Variants in DOCK2 observed in about 807,000 individuals in gnomAD.
DOCK2 encodes the protein dedicator of cytokinesis 2.
A neutral mutation model predicts 248.9 loss-of-function variants in DOCK2; 87 were observed. That is an observed-to-expected ratio of 0.35 (90% CI 0.29 to 0.42). The LOEUF is 0.42. DOCK2 is among the 10% of genes least tolerant of loss of function. The pLI is 1.00. For missense variants in DOCK2, 1,747 were observed against 2,300.2 expected (o/e 0.76, Z 4.92); for synonymous variants, 805 against 821.6 (o/e 0.98, Z 0.35).
At chr5:169,707,231 T>G (rs1176941745) in intron 14 of DOCK2, among the ~76,000 whole-genome samples, 1 of 152,192 alleles carries the variant, frequency 6.6e-6, no homozygotes, top group Non-Finnish European at 1.5e-5. Flanking sequence ...GGTCATTCCT[T>G]GTGAGTCAGC....
At chr5:170,069,026 T>G in intron 45 of DOCK2, 111 bp from the exon 46 acceptor site, 1 of 889,172 alleles carries the variant, frequency 1.1e-6, no homozygotes, top group South Asian at 1.5e-5. Flanking sequence ...TCCACATGCC[T>G]GTGACCTCAT....
At position 169,983,255 on chromosome 5, in the gene DOCK2, T is replaced by A. The variant is rs968455983; in HGVS notation, c.2898+89T>A. On this transcript the variant is annotated intron_variant, in intron 28 of 51. Transcript: ENST00000520908. ...CCTGTCAGAGAGACCTGCCTGTCTA[T>A]CACATAATCTAGATATGACTTAACC... 2.2e-6 allele frequency: 3 copies of A among 1,349,058 alleles called. No individual in the cohort carries two copies. The South Asian group carries it at 3.6e-5, about 16-fold the overall frequency. 83.6% of individuals were successfully genotyped at this position (1,349,058 alleles called of 1,614,324 possible). A position where few individuals can be genotyped will look rare whatever the true frequency, so the allele number is the denominator to read the frequency against.
intron 1 of DOCK2, among the ~76,000 whole-genome samples, chr5:169,648,287 C>A (rs975259301): frequency 3.3e-5 from 5 of 152,106 alleles, no homozygotes; most frequent in Non-Finnish European, 7.4e-5. Context: ...ACACCCCCGA[C>A]TCCCCTCCCC....
chr5:169,695,950 A>G lies in DOCK2; in HGVS notation c.979+12A>G. 6.4e-7 allele frequency: 1 copy of G among 1,573,052 alleles called. No homozygotes were observed. ...CTTTGGGGTGGCAGGTAAGGGGCACACTCTGCATCATTGATTTTTATGGGA... is the reference window on the plus strand; with the variant it reads ...CTTTGGGGTGGCAGGTAAGGGGCACGCTCTGCATCATTGATTTTTATGGGA... On this transcript the variant is annotated intron_variant, in intron 10 of 51. Coordinates refer to ENST00000520908, the MANE Select transcript of DOCK2 (RefSeq NM_004946.3).
intron 27 of DOCK2, among the ~76,000 whole-genome samples, chr5:169,857,333 A>G (rs367826688): frequency 7.9e-5 from 12 of 152,370 alleles, no homozygotes; most frequent in African/African-American, 2.6e-4. Context: ...ATTCTGAAAC[A>G]ATGTGAAACT....
chr5:169,700,587 C>T (rs902314819), intron 13 of DOCK2, among the ~76,000 whole-genome samples: 3 of 151,584 alleles, frequency 2.0e-5, no homozygotes, highest in African/African-American at 4.9e-5. Context: ...TTCAAATGGC[C>T]TGAAAAGGTA....
chr5:169,820,408 C>T lies in DOCK2; in HGVS notation c.2703+17202C>T, dbSNP rs187898161. Reference sequence around the variant, plus strand: ...CTGACACCTCACACAGCTGGGTACCCCTCTGAGACAAAACTTCCAGAGGAA... The same window carrying T: ...CTGACACCTCACACAGCTGGGTACCTCTCTGAGACAAAACTTCCAGAGGAA... On this transcript the variant is annotated intron_variant, in intron 26 of 51. Transcript: ENST00000520908. Among the ~76,000 whole-genome samples, 419 of 152,308 alleles carry T rather than the reference C, an allele frequency of 2.8e-3. 15 individuals carry two copies. The East Asian group carries it at 0.064, about 23-fold the overall frequency.
At chr5:170,009,739 T>G (rs1038344494) in intron 32 of DOCK2, among the ~76,000 whole-genome samples, 1 of 152,170 alleles carries the variant, frequency 6.6e-6, no homozygotes, top group Non-Finnish European at 1.5e-5. Context: ...CATGGGTTTT[T>G]TAGGCAGCAG....
intron 22 of DOCK2, among the ~76,000 whole-genome samples, chr5:169,746,748 C>T (rs1373048437): frequency 6.6e-6 from 1 of 152,136 alleles, no homozygotes; most frequent in Non-Finnish European, 1.5e-5. Flanking sequence ...CATTGAAAGT[C>T]CCTAGAAGGA....
chr5:169,656,426 T>C (rs1758121727), intron 2 of DOCK2, among the ~76,000 whole-genome samples: 2 of 151,922 alleles, frequency 1.3e-5, no homozygotes. Flanking sequence ...CAGATTCAAC[T>C]GATTCTTGCG....
intron 27 of DOCK2, among the ~76,000 whole-genome samples, chr5:169,853,996 G>T (rs1423464380): frequency 6.7e-6 from 1 of 148,938 alleles, no homozygotes; most frequent in African/African-American, 2.5e-5. Context: ...CCACCATGCT[G>T]GGCTAATTTT....
intron 27 of DOCK2, among the ~76,000 whole-genome samples, chr5:169,962,072 G>A (rs1362588502): frequency 6.6e-6 from 1 of 151,822 alleles, no homozygotes; most frequent in Non-Finnish European, 1.5e-5. Context: ...GTGTGTCTGA[G>A]CAGAGTGGTG....
chr5:169,718,564 CT>C, intron 21 of DOCK2, 92 bp from the exon 22 acceptor site: 1 of 1,452,818 alleles, frequency 6.9e-7, no homozygotes, highest in Non-Finnish European at 9.3e-7. Context: ...CTACTACCAC[CT>C]TTAACCTTTG....
At chr5:169,687,007 T>C (rs1176838970) in intron 8 of DOCK2, among the ~76,000 whole-genome samples, 1 of 152,138 alleles carries the variant, frequency 6.6e-6, no homozygotes, top group African/African-American at 2.4e-5. Context: ...ACCACCTAGA[T>C]CTTCCTGGGT....
chr5:169,711,901 C>G (rs1761607179), intron 15 of DOCK2, 34 bp from the exon 16 acceptor site: 3 of 1,612,574 alleles, frequency 1.9e-6, no homozygotes, highest in Middle Eastern at 1.9e-4. Flanking sequence ...CCCTTTAACT[C>G]ATTGTGTTCT....
At chr5:170,078,873 C>T (rs1581580194) in intron 48 of DOCK2, 102 bp from the exon 49 acceptor site, 4 of 1,371,490 alleles carry the variant, frequency 2.9e-6, no homozygotes, top group Admixed American at 3.7e-5. Context: ...GTAGTGACAG[C>T]TCAGGCAGCC....
At chr5:170,062,791 G>T (rs894041470) in intron 44 of DOCK2, among the ~76,000 whole-genome samples, 3 of 152,124 alleles carry the variant, frequency 2.0e-5, no homozygotes, top group Non-Finnish European at 4.4e-5. Context: ...GTAGTAAAGG[G>T]TCTTTTAAAA....
chr5:169,845,000 G>A (rs992176676), intron 27 of DOCK2, among the ~76,000 whole-genome samples: 3 of 151,678 alleles, frequency 2.0e-5, no homozygotes, highest in Non-Finnish European at 2.9e-5. Context: ...AATGAGTTAG[G>A]CATGGTCTGT....
chr5:169,865,157 G>A (rs1172245452), intron 27 of DOCK2, among the ~76,000 whole-genome samples: 1 of 152,170 alleles, frequency 6.6e-6, no homozygotes, highest in East Asian at 1.9e-4. Flanking sequence ...CTCTACTGAT[G>A]GATGGACATT....
Sources: gnomAD v4.1 joint callset for allele counts (sites outside exome capture counted in the v4.1 genomes callset) on GRCh38, gnomAD v4.1.1 for gene constraint, MANE v1.5 for transcripts, NCBI Gene and HGNC (gene_info 2026-07-23, HGNC 2026-07-21) for gene names.